TSPAN5: variants seen among roughly 807,000 people sequenced by gnomAD.
TSPAN5 encodes tetraspanin-5.
Under a neutral mutation model 37.1 loss-of-function variants are expected in TSPAN5, and 10 were observed. That is an observed-to-expected ratio of 0.27 (90% CI 0.17 to 0.46). The LOEUF (loss-of-function observed/expected upper bound fraction) is 0.46. TSPAN5 is among the 20% of genes least tolerant of loss of function. TSPAN5 has a pLI of 1.00. For missense variants in TSPAN5, 195 were observed against 326.6 expected (o/e 0.60, Z 3.11); for synonymous variants, 110 against 118.9 (o/e 0.93, Z 0.48).
At chr4:98,580,662 T>C (rs963634567) in intron 1 of TSPAN5, among the ~76,000 whole-genome samples, 3 of 152,328 alleles carry the variant, frequency 2.0e-5, no homozygotes, top group South Asian at 2.1e-4. Flanking sequence ...GGGTGTCTAA[T>C]GCATTCATAA....
At chr4:98,558,502 A>G (rs1212105975) in intron 1 of TSPAN5, among the ~76,000 whole-genome samples, 1 of 152,192 alleles carries the variant, frequency 6.6e-6, no homozygotes, top group Non-Finnish European at 1.5e-5. Flanking sequence ...GCTGCTAGCT[A>G]ATATCCACAG....
intron 1 of TSPAN5, among the ~76,000 whole-genome samples, chr4:98,510,574 A>G (rs533596413): frequency 1.3e-5 from 2 of 152,320 alleles, no homozygotes; most frequent in African/African-American, 4.8e-5. Flanking sequence ...CTTTGAGACA[A>G]CTTTTTTCAT....
Position 98,471,690 on chromosome 4 carries a change from CCA to C in TSPAN5, c.*830_*831del, listed in dbSNP as rs1752587361. 1 of 152,148 alleles carries C rather than the reference CCA, an allele frequency of 6.6e-6. No homozygotes were observed. Among genetic ancestry groups the C allele is most frequent in the Non-Finnish European group, 1.5e-5 (1 of 68,020 alleles). The allele number at this position is 152,148 out of a possible 1,614,324, so 9.4% of individuals were successfully genotyped here. On this transcript the variant is annotated 3_prime_UTR_variant, in exon 8 of 8. Coordinates refer to ENST00000305798, the MANE Select transcript of TSPAN5 (RefSeq NM_005723.4). ...ACAAAACAAAATGACCCAGAATATT[CCA>C]GAGTTTCCAAAAATCCAACTGCTAA...
chr4:98,511,090 A>C (rs1441938821), intron 1 of TSPAN5, among the ~76,000 whole-genome samples: 1 of 152,210 alleles, frequency 6.6e-6, no homozygotes, highest in Non-Finnish European at 1.5e-5. Flanking sequence ...TCTTAAAGTC[A>C]ACCCTTTACT....
intron 1 of TSPAN5, among the ~76,000 whole-genome samples, chr4:98,624,965 CA>C (rs1756563076): frequency 1.3e-5 from 2 of 152,100 alleles, no homozygotes; most frequent in South Asian, 2.1e-4. Flanking sequence ...CAACCAATCC[CA>C]AAAAAACCAT....
chr4:98,584,575 T>C lies in TSPAN5; in HGVS notation c.81+73571A>G, dbSNP rs150301979. Among the ~76,000 whole-genome samples the C allele has an allele frequency of 8.5e-5, 13 of 152,352 alleles. No homozygotes were observed. The East Asian group carries it at 2.3e-3, about 27-fold the overall frequency. On this transcript the variant is annotated intron_variant, in intron 1 of 7. Coordinates refer to ENST00000305798, the MANE Select transcript of TSPAN5 (RefSeq NM_005723.4). ...GATATTACACACCATCTTCTACTTA[T>C]ATATGTAGACTTTCCAGTTCAAAGT...
chr4:98,557,242 T>C (rs1446380315), intron 1 of TSPAN5, among the ~76,000 whole-genome samples: 1 of 152,196 alleles, frequency 6.6e-6, no homozygotes, highest in East Asian at 1.9e-4. Context: ...AAAATACAAA[T>C]AGGTCTGTGG....
chr4:98,479,308 C>A (rs1481492107), intron 4 of TSPAN5, among the ~76,000 whole-genome samples: 1 of 151,946 alleles, frequency 6.6e-6, no homozygotes, highest in Non-Finnish European at 1.5e-5. Flanking sequence ...GCAGGGAGAC[C>A]CCCTGAAACT....
intron 4 of TSPAN5, among the ~76,000 whole-genome samples, chr4:98,481,077 C>T (rs369450480): frequency 3.9e-5 from 6 of 152,046 alleles, no homozygotes; most frequent in South Asian, 4.2e-4. Flanking sequence ...CCACAGACAC[C>T]GCTGTCCAAG....
chr4:98,489,533 CTCTGG>C (rs1753041561), intron 2 of TSPAN5, among the ~76,000 whole-genome samples: 1 of 152,294 alleles, frequency 6.6e-6, no homozygotes, highest in Non-Finnish European at 1.5e-5. Context: ...ACTGCACACT[CTCTGG>C]TCTGTGTTTG....
At chr4:98,500,069 A>G (rs1322744674) in intron 2 of TSPAN5, 4 of 152,168 alleles carry the variant, frequency 2.6e-5, no homozygotes, top group African/African-American at 9.7e-5. Flanking sequence ...TCATAGAAGT[A>G]TTTTCAGCAT....
intron 1 of TSPAN5, among the ~76,000 whole-genome samples, chr4:98,603,006 T>C (rs980999677): frequency 6.6e-6 from 1 of 152,252 alleles, no homozygotes; most frequent in African/African-American, 2.4e-5. Context: ...GTGGGAAGTT[T>C]ACTGTATTTA....
chr4:98,619,367 C>T (rs1306674903), intron 1 of TSPAN5, among the ~76,000 whole-genome samples: 1 of 152,162 alleles, frequency 6.6e-6, no homozygotes, highest in Non-Finnish European at 1.5e-5. Context: ...AAACTGAGAT[C>T]ATGAGCATGA....
At chr4:98,637,873 A>G (rs916656454) in intron 1 of TSPAN5, among the ~76,000 whole-genome samples, 6 of 152,220 alleles carry the variant, frequency 3.9e-5, no homozygotes, top group Non-Finnish European at 8.8e-5. Flanking sequence ...AAATATCAAA[A>G]AGTAAACTTA....
intron 2 of TSPAN5, among the ~76,000 whole-genome samples, chr4:98,504,456 A>G (rs149224717): frequency 2.6e-5 from 4 of 152,348 alleles, no homozygotes; most frequent in African/African-American, 9.6e-5. Flanking sequence ...ATCCTCCTCA[A>G]GAGACCACAA....
At chr4:98,543,324 G>GT (rs1754400275) in intron 1 of TSPAN5, among the ~76,000 whole-genome samples, 1 of 151,960 alleles carries the variant, frequency 6.6e-6, no homozygotes, top group Non-Finnish European at 1.5e-5. Flanking sequence ...ATTAGATAAT[G>GT]TGTAAATCAT....
chr4:98,505,721 TC>T (rs1263289259), intron 2 of TSPAN5, among the ~76,000 whole-genome samples: 3 of 152,162 alleles, frequency 2.0e-5, no homozygotes, highest in Admixed American at 2.0e-4. Context: ...ATTGTCGTAT[TC>T]CCCACACTCA....
At chr4:98,632,640 A>C (rs761437616) in intron 1 of TSPAN5, among the ~76,000 whole-genome samples, 5 of 152,216 alleles carry the variant, frequency 3.3e-5, no homozygotes, top group Non-Finnish European at 7.3e-5. Context: ...TTCCCTCTGG[A>C]AGTTGACTGC....
chr4:98,635,669 A>C (rs1756841407), intron 1 of TSPAN5, among the ~76,000 whole-genome samples: 2 of 152,250 alleles, frequency 1.3e-5, no homozygotes, highest in Non-Finnish European at 2.9e-5. Context: ...AGACTACAGC[A>C]AAACAGATTG....
Sources: gnomAD v4.1 joint callset for allele counts (sites outside exome capture counted in the v4.1 genomes callset) on GRCh38, gnomAD v4.1.1 for gene constraint, MANE v1.5 for transcripts, NCBI Gene and HGNC (gene_info 2026-07-23, HGNC 2026-07-21) for gene names.